Variants in SMARCA2 observed in about 807,000 individuals in gnomAD.
SMARCA2 encodes the protein SWI/SNF-related matrix-associated actin-dependent regulator of chromatin subfamily A member 2.
In SMARCA2, 61 loss-of-function variants were observed where a neutral mutation model predicts 199.8. The observed-to-expected ratio is 0.31, with a 90% CI of 0.25 to 0.38. SMARCA2 has a LOEUF of 0.38. Among genes scored for constraint, SMARCA2 ranks in the 10% least tolerant of loss-of-function variants. The pLI is 1.00. For missense variants in SMARCA2, 1,344 were observed against 2,012.2 expected (o/e 0.67, Z 6.35); for synonymous variants, 935 against 732.0 (o/e 1.28, Z -4.48).
intron 27 of SMARCA2, among the ~76,000 whole-genome samples, chr9:2,133,527 C>G (rs1358434403): frequency 6.6e-6 from 1 of 152,042 alleles, no homozygotes; most frequent in Non-Finnish European, 1.5e-5. Flanking sequence ...AAGTGATCCT[C>G]CTGCCTCAGC....
chr9:2,064,967 G>A (rs368451703), intron 9 of SMARCA2, among the ~76,000 whole-genome samples: 36 of 152,268 alleles, frequency 2.4e-4, no homozygotes, highest in East Asian at 1.4e-3. Flanking sequence ...GGCGGATCAC[G>A]AAGTCAGGAG....
intron 3 of SMARCA2, among the ~76,000 whole-genome samples, chr9:2,035,390 A>G (rs1198181913): frequency 2.0e-5 from 3 of 152,128 alleles, no homozygotes; most frequent in Admixed American, 6.5e-5. Context: ...AGTAACGTTT[A>G]GTGATTCTTG....
In SMARCA2 at chr9:2,039,413, T is replaced by C; in HGVS notation, c.356-53T>C. The C allele has an allele frequency of 6.4e-7, 1 of 1,557,738 alleles. No individual in the cohort carries two copies. The highest frequency in any genetic ancestry group is 8.7e-7 in the Non-Finnish European group (1 of 1,147,082). On this transcript the variant is annotated intron_variant, in intron 3 of 33. Coordinates refer to ENST00000349721, the MANE Select transcript of SMARCA2 (RefSeq NM_003070.5). The surrounding 1 kb of genome is among the most constrained non-coding windows in gnomAD (Gnocchi z 4.8). ...TTATTAGAGTATTCAGGGATATCTC[T>C]CTTTCAGGGTTGTCAGGGGCAGCCT...
At chr9:2,166,118 A>C (rs1365100799) in intron 28 of SMARCA2, among the ~76,000 whole-genome samples, 1 of 152,204 alleles carries the variant, frequency 6.6e-6, no homozygotes, top group African/African-American at 2.4e-5. Flanking sequence ...TCTGAGAAAT[A>C]TCCTTTAAAA....
chr9:2,044,759 C>T (rs1462374272), intron 4 of SMARCA2: 1 of 152,182 alleles, frequency 6.6e-6, no homozygotes, highest in East Asian at 1.9e-4. Context: ...TTAAAGGTAC[C>T]TGTTTAGTGC....
At chr9:2,189,394 G>C (rs973198500) in intron 32 of SMARCA2, among the ~76,000 whole-genome samples, 13 of 151,972 alleles carry the variant, frequency 8.6e-5, no homozygotes, top group African/African-American at 2.9e-4. Context: ...ACACTCCAAG[G>C]CACATTTAGA....
chr9:2,143,516 G>T (rs1448253689), intron 27 of SMARCA2, among the ~76,000 whole-genome samples: 1 of 152,214 alleles, frequency 6.6e-6, no homozygotes, highest in East Asian at 1.9e-4. Context: ...AAACCCATAA[G>T]GGAGGCCATT....
chr9:2,050,008 C>G (rs1407928425), intron 5 of SMARCA2, among the ~76,000 whole-genome samples: 2 of 152,160 alleles, frequency 1.3e-5, no homozygotes, highest in Non-Finnish European at 2.9e-5. Flanking sequence ...TTCTTTGGGT[C>G]TTGTAATATC....
chr9:2,087,265 G>A (rs948612598), intron 18 of SMARCA2, 194 bp downstream of exon 18: 1 of 628,692 alleles, frequency 1.6e-6, no homozygotes, highest in Non-Finnish European at 2.7e-6. Flanking sequence ...GGATCTAGTG[G>A]TACATGGGGC....
intron 28 of SMARCA2, among the ~76,000 whole-genome samples, chr9:2,163,584 T>C (rs554867828): frequency 6.6e-6 from 1 of 152,360 alleles, no homozygotes; most frequent in South Asian, 2.1e-4. Context: ...GTCCCTGGTT[T>C]AAAACAAAAT....
chr9:2,078,844 C>G (rs1032394710), intron 14 of SMARCA2, among the ~76,000 whole-genome samples: 3 of 151,982 alleles, frequency 2.0e-5, no homozygotes, highest in African/African-American at 7.2e-5. Flanking sequence ...ACTCGGGAAG[C>G]TGAGGCGGGA....
At chr9:2,188,846 T>C (rs1827675136) in intron 32 of SMARCA2, among the ~76,000 whole-genome samples, 1 of 152,216 alleles carries the variant, frequency 6.6e-6, no homozygotes, top group Non-Finnish European at 1.5e-5. Flanking sequence ...CAATTTCTTG[T>C]GTTCGTAGAA....
In SMARCA2 at chr9:2,119,419, G is replaced by C; in HGVS notation, c.3685-39G>C. 2 of 1,391,130 alleles carry C rather than the reference G, an allele frequency of 1.4e-6. No individual in the cohort carries two copies. Among genetic ancestry groups the C allele is most frequent in the Non-Finnish European group, 2.0e-6 (2 of 976,828 alleles). The allele number at this position is 1,391,130 out of a possible 1,614,324, so 86.2% of individuals were successfully genotyped here. On this transcript the variant is annotated intron_variant, in intron 25 of 33. Transcript: ENST00000349721. The surrounding 1 kb of genome is among the most constrained non-coding windows in gnomAD (Gnocchi z 4.6). ...ACTTACTTGTTTGTACCTTGCCCCA[G>C]CTGTCCACTGGTTAAAATCACTCTG...
rs1285332988 is a variant in SMARCA2 at position 2,123,196 on chromosome 9, T to G, written c.3763-523T>G. 6.6e-6 allele frequency among the ~76,000 whole-genome samples: 1 copy of G among 152,228 alleles called. No homozygotes were observed. The highest frequency in any genetic ancestry group is 1.5e-5 in the Non-Finnish European group (1 of 68,036). ...TGAAACCATTTATGTCTCTTCCACATGTCCAACTGTGGGTAGCTATTCTGT... is the reference window on the plus strand; with the variant it reads ...TGAAACCATTTATGTCTCTTCCACAGGTCCAACTGTGGGTAGCTATTCTGT... On this transcript the variant is annotated intron_variant, in intron 26 of 33. Coordinates refer to ENST00000349721, the MANE Select transcript of SMARCA2 (RefSeq NM_003070.5). This position sits in a 1 kb window ranked among gnomAD's most constrained non-coding sequence, Gnocchi z 4.1.
intron 27 of SMARCA2, among the ~76,000 whole-genome samples, chr9:2,145,813 A>T (rs149169896): frequency 6.6e-6 from 1 of 152,270 alleles, no homozygotes; most frequent in Non-Finnish European, 1.5e-5. Context: ...GAGAAAAACG[A>T]AGGCATTATC....
intron 21 of SMARCA2, 147 bp from the exon 22 acceptor site, chr9:2,101,423 G>A (rs1822509077): frequency 1.5e-5 from 7 of 482,412 alleles, no homozygotes; most frequent in Admixed American, 4.1e-5. Flanking sequence ...TGAATTTCTG[G>A]TTCATTACGT....
chr9:2,071,323 A>C (rs1366349008), intron 10 of SMARCA2, among the ~76,000 whole-genome samples: 3 of 152,200 alleles, frequency 2.0e-5, no homozygotes, highest in Non-Finnish European at 2.9e-5. Context: ...ACTATAATCT[A>C]TCACAAGGAA....
Position 2,186,122 on chromosome 9 carries a change from G to C in SMARCA2, c.4488G>C (p.Gln1496His), listed in dbSNP as rs1387141181. 4 of 1,613,964 alleles carry C rather than the reference G, an allele frequency of 2.5e-6. No individual in the cohort carries two copies. The highest frequency in any genetic ancestry group is 3.3e-5 in the Admixed American group (2 of 60,002). Residue 1496 changes from glutamine to histidine, a missense_variant, in exon 32 of 34, where the codon CAG (glutamine) becomes CAC (histidine). Around this residue, in one of 18 missense-constraint regions of SMARCA2, gnomAD observed 155 missense variants for 121.1 expected, o/e 1.28. Transcript: ENST00000349721. The part of the protein sequence containing the change: ...SQIYEDSIVL[Q>H]SVFKSARQKI... ...TCTATGAAGACTCCATCGTCTTACA[G>C]TCAGTGTTTAAGAGTGCCCGGCAGA...
At chr9:2,162,003 T>A in intron 28 of SMARCA2, 100 bp downstream of exon 28, 1 of 888,348 alleles carries the variant, frequency 1.1e-6, no homozygotes, top group Non-Finnish European at 1.7e-6. Flanking sequence ...TAGGTTTTAT[T>A]AAGGTTCTTT....
Sources: allele counts gnomAD v4.1 joint callset (sites outside exome capture counted in the v4.1 genomes callset), GRCh38; gene constraint gnomAD v4.1.1; regional missense constraint gnomAD v4.1.1; non-coding constraint Gnocchi (gnomAD v3.1); transcripts MANE v1.5; gene names NCBI Gene and HGNC (gene_info 2026-07-23, HGNC 2026-07-21).